Variants in CLASP1 observed in about 807,000 individuals in gnomAD.
The protein encoded by CLASP1 is CLIP-associating protein 1.
A neutral mutation model predicts 192.3 loss-of-function variants in CLASP1; 38 were observed. The ratio of observed to expected loss-of-function variants is 0.20; its 90% confidence interval spans 0.15 to 0.26. The LOEUF (loss-of-function observed/expected upper bound fraction) is 0.26. Ranked by LOEUF, CLASP1 falls within the 10% of genes least tolerant of loss-of-function variation. The pLI, the probability that CLASP1 is intolerant of heterozygous loss-of-function variation, is 1.00. For missense variants in CLASP1, 1,433 were observed against 1,932.5 expected (o/e 0.74, Z 4.85); for synonymous variants, 691 against 712.8 (o/e 0.97, Z 0.49).
intron 9 of CLASP1, among the ~76,000 whole-genome samples, chr2:121,464,490 C>T (rs902991480): frequency 6.6e-6 from 1 of 152,312 alleles, no homozygotes; most frequent in South Asian, 2.1e-4. Context: ...TATTTCTCCA[C>T]ATCCTCTCCA....
intron 28 of CLASP1, among the ~76,000 whole-genome samples, chr2:121,399,135 C>T (rs910539692): frequency 2.0e-5 from 3 of 152,088 alleles, no homozygotes; most frequent in Middle Eastern, 3.2e-3. Flanking sequence ...GAGATTTTTC[C>T]CAATCTACGT....
chr2:121,541,335 A>G (rs2095229198), intron 2 of CLASP1, among the ~76,000 whole-genome samples: 1 of 152,186 alleles, frequency 6.6e-6, no homozygotes, highest in Non-Finnish European at 1.5e-5. Flanking sequence ...GTTTTAAGGT[A>G]TTTTGCATGA....
chr2:121,649,237 C>G (rs867448126), intron 1 of CLASP1, 135 bp downstream of exon 1: 5 of 152,766 alleles, frequency 3.3e-5, no homozygotes, highest in Admixed American at 2.6e-4. Flanking sequence ...CCCCATCCCC[C>G]CAAAGTGCAC....
intron 33 of CLASP1, among the ~76,000 whole-genome samples, chr2:121,378,485 G>T (rs2070808964): frequency 6.6e-6 from 1 of 152,156 alleles, no homozygotes. Context: ...ACTGCAGTTT[G>T]TCAACAAGTG....
intron 9 of CLASP1, among the ~76,000 whole-genome samples, chr2:121,465,036 A>G (rs1418081998): frequency 1.3e-5 from 2 of 152,212 alleles, no homozygotes; most frequent in Admixed American, 6.5e-5. Flanking sequence ...CATAAGAGCT[A>G]TCTATGACAA....
At chr2:121,340,672 G>A in exon 40 of CLASP1, 3 of 584,634 alleles carry the variant, frequency 5.1e-6, no homozygotes, top group South Asian at 2.2e-5. Flanking sequence ...TGCAATACAG[G>A]CCTTGCTTCC....
chr2:121,478,775 A>AC (rs142789180), intron 8 of CLASP1, among the ~76,000 whole-genome samples: 7 of 41,528 alleles, frequency 1.7e-4, no homozygotes, highest in African/African-American at 5.8e-4. Context: ...CACACCCCAC[A>AC]CACACACCCC....
chr2:121,456,934 A>G (rs913066265), intron 14 of CLASP1, among the ~76,000 whole-genome samples: 10 of 152,190 alleles, frequency 6.6e-5, no homozygotes, highest in African/African-American at 2.4e-4. Flanking sequence ...GTATTCATGA[A>G]TTCCCTGAAA....
At chr2:121,546,581 T>G (rs2057446548) in intron 2 of CLASP1, among the ~76,000 whole-genome samples, 1 of 152,038 alleles carries the variant, frequency 6.6e-6, no homozygotes, top group African/African-American at 2.4e-5. Context: ...GGAACCACGC[T>G]TCTTCCACAG....
chr2:121,596,849 A>G (rs1038982584), intron 2 of CLASP1, among the ~76,000 whole-genome samples: 2 of 152,170 alleles, frequency 1.3e-5, no homozygotes, highest in African/African-American at 2.4e-5. Flanking sequence ...CTTATTTCCT[A>G]TCCTACACTG....
intron 32 of CLASP1, 146 bp from the exon 34 acceptor site, chr2:121,382,470 T>C: frequency 3.4e-6 from 2 of 588,686 alleles, no homozygotes; most frequent in East Asian, 3.0e-5. Flanking sequence ...AATTAGCACT[T>C]CATCATACAG....
At chr2:121,416,096 AAT>A (rs1465633723) in intron 23 of CLASP1, among the ~76,000 whole-genome samples, 1 of 152,206 alleles carries the variant, frequency 6.6e-6, no homozygotes, top group African/African-American at 2.4e-5. Flanking sequence ...TTCAGACTGA[AAT>A]AGTTTTTAAG....
chr2:121,594,683 G>A (rs1020677161), intron 2 of CLASP1, among the ~76,000 whole-genome samples: 3 of 152,168 alleles, frequency 2.0e-5, no homozygotes, highest in African/African-American at 4.8e-5. Context: ...GAGCCACTGC[G>A]CCCGGCCAGT....
At position 121,540,442 on chromosome 2, in the gene CLASP1, A is replaced by C. The variant is rs564523774; in HGVS notation, c.196-10117T>G. Among the ~76,000 whole-genome samples the C allele has an allele frequency of 2.0e-5, 3 of 152,154 alleles. 1 individual carries two copies. The South Asian group carries it at 6.2e-4, about 32-fold the overall frequency. ...CGCTTAAGCCCAGGAGTTCAAGTCC[A>C]GTGTGGGCAAGATAGTGAGACCCCA... On this transcript the variant is annotated intron_variant, in intron 2 of 39. Transcript: ENST00000263710.
chr2:121,426,188 A>T (rs553010704), intron 21 of CLASP1, among the ~76,000 whole-genome samples: 1 of 152,256 alleles, frequency 6.6e-6, no homozygotes, highest in Admixed American at 6.5e-5. Context: ...TGCAAAGTAA[A>T]ATAAAATGAA....
intron 39 of CLASP1, 39 bp from the exon 41 acceptor site, chr2:121,340,986 A>T (rs752449701): frequency 1.8e-5 from 25 of 1,393,616 alleles, no homozygotes; most frequent in Middle Eastern, 1.8e-4. Flanking sequence ...CAGGAAGAAA[A>T]GCAATCAGAA....
Position 121,524,182 on chromosome 2 carries a change from G to C in CLASP1, c.546+1663C>G, listed in dbSNP as rs1395697498. Among the ~76,000 whole-genome samples, 4 of 152,174 alleles carry C rather than the reference G, an allele frequency of 2.6e-5. No individual in the cohort carries two copies. In the East Asian group the frequency reaches 5.8e-4, roughly 22 times the overall value. ...CAAAGTCAGCAACTGAATGAGGAGA[G>C]AATCACCTCAGCAAGTTGGCTTTTC... On this transcript the variant is annotated intron_variant, in intron 6 of 39. Coordinates refer to ENST00000263710, the Ensembl canonical transcript of CLASP1.
chr2:121,470,088 C>A, intron 8 of CLASP1, 128 bp from the exon 9 acceptor site: 1 of 782,256 alleles, frequency 1.3e-6, no homozygotes. Context: ...CTTTTGGAAT[C>A]TGAGGTGCTC....
chr2:121,486,843 T>C (rs995997088), intron 8 of CLASP1, among the ~76,000 whole-genome samples: 1 of 152,172 alleles, frequency 6.6e-6, no homozygotes. Context: ...ACCATACCGC[T>C]ACATACGAAG....
Sources: gnomAD v4.1 joint callset for allele counts (sites outside exome capture counted in the v4.1 genomes callset) on GRCh38, gnomAD v4.1.1 for gene constraint, MANE v1.5 for transcripts, NCBI Gene and HGNC (gene_info 2026-07-23, HGNC 2026-07-21) for gene names.